The following CEP72 variants were observed in gnomAD, a reference collection of about 807,000 sequenced individuals.
The protein encoded by CEP72 is centrosomal protein of 72 kDa.
A neutral mutation model predicts 65.7 loss-of-function variants in CEP72; 78 were observed. The ratio of observed to expected loss-of-function variants is 1.19; its 90% CI spans 0.99 to 1.43. CEP72 has a LOEUF of 1.43. Among genes scored for constraint, CEP72 ranks in the 40% most tolerant of loss-of-function variants. The pLI is 0.00. For synonymous variants in CEP72, 358 were observed against 351.7 expected, an observed-to-expected ratio of 1.02 and a Z score of -0.20; for missense variants, 914 against 832.9, an observed-to-expected ratio of 1.10 and a Z score of -1.20.
intron 9 of CEP72, chr5:642,838 C>T (rs2126800688): frequency 1.0e-6 from 1 of 985,478 alleles, no homozygotes; most frequent in African/African-American, 1.7e-5. Flanking sequence ...TCTGTCACTC[C>T]AGAAGCACCC....
exon 3 of CEP72, chr5:665,241 C>T: frequency 6.2e-7 from 1 of 1,613,816 alleles, no homozygotes; most frequent in Non-Finnish European, 8.5e-7. Flanking sequence ...CTTGTGGGAG[C>T]CCGTGAACTT....
chr5:638,975 C>A, intron 7 of CEP72, 114 bp from the exon 8 acceptor site: 10 of 1,376,272 alleles, frequency 7.3e-6, no homozygotes, highest in South Asian at 2.5e-5. Context: ...GGCCTCAGGG[C>A]ACCTGTCCTC....
At chr5:634,654 A>G (rs1737467587) in intron 5 of CEP72, among the ~76,000 whole-genome samples, 1 of 151,850 alleles carries the variant, frequency 6.6e-6, no homozygotes, top group South Asian at 2.1e-4. Context: ...CTGTTGAGAT[A>G]CTGGCCGTGC....
At chr5:622,113 A>G in intron 3 of CEP72, among the ~76,000 whole-genome samples, 1 of 152,202 alleles carries the variant, frequency 6.6e-6, no homozygotes, top group South Asian at 2.1e-4. Flanking sequence ...TGCTACTTGG[A>G]GAAGTTTCTG....
At chr5:675,268 GCAGCCCAGGGGGTT>G in the CEP72 span, among the ~76,000 whole-genome samples, 2 of 101,012 alleles carry the variant, frequency 2.0e-5, no homozygotes, top group African/African-American at 8.2e-5. Context: ...GGCCGGGGGT[GCAGCCCAGGGGGTT>G]CAGTGTGGCC....
At chr5:660,040 G>A (rs1450075722), downstream of CEP72, 1 of 152,272 alleles carries the variant, frequency 6.6e-6, no homozygotes, top group Middle Eastern at 3.2e-3. Flanking sequence ...GGAACAGCAG[G>A]GCCACCCCAC....
downstream of CEP72, among the ~76,000 whole-genome samples, chr5:671,822 C>T (rs554149444): frequency 4.5e-4 from 69 of 152,320 alleles, no homozygotes; most frequent in Middle Eastern, 3.4e-3. Flanking sequence ...GAGTGCAAGC[C>T]CGGGACAGGG....
chr5:644,040 G>A, intron 9 of CEP72: 1 of 422,818 alleles, frequency 2.4e-6, no homozygotes, highest in Non-Finnish European at 4.3e-6. Context: ...GGAGACTCAG[G>A]AGTGGGGCTC....
chr5:658,869 T>C (rs1032212155), downstream of CEP72, among the ~76,000 whole-genome samples: 8 of 151,942 alleles, frequency 5.3e-5, no homozygotes, highest in African/African-American at 1.7e-4. Context: ...AGGGTTTCAC[T>C]GTGTTAGCCA....
downstream of CEP72, among the ~76,000 whole-genome samples, chr5:658,134 T>A (rs13436631): frequency 0.023 from 3,544 of 152,336 alleles, 141 homozygotes; most frequent in African/African-American, 0.081. Flanking sequence ...TTGTGTCCCT[T>A]CAAGCGAGAC....
downstream of CEP72, among the ~76,000 whole-genome samples, chr5:654,169 G>A (rs540703635): frequency 2.7e-5 from 4 of 147,140 alleles, no homozygotes; most frequent in South Asian, 2.2e-4. Flanking sequence ...CTCTGTGCGC[G>A]TGCACTTGCT....
downstream of CEP72, among the ~76,000 whole-genome samples, chr5:658,804 G>A (rs1397539456): frequency 6.6e-6 from 1 of 151,640 alleles, no homozygotes; most frequent in Non-Finnish European, 1.5e-5. Flanking sequence ...GAGTAGCTGG[G>A]ACTACAGGCG....
chr5:635,649 A>T, intron 6 of CEP72, 65 bp downstream of exon 6: 1 of 1,299,716 alleles, frequency 7.7e-7, no homozygotes, highest in Non-Finnish European at 1.1e-6. Context: ...TGAGTAATTT[A>T]TAAAGAACAG....
chr5:618,205 G>A (rs1227289912), intron 1 of CEP72, among the ~76,000 whole-genome samples: 4 of 152,182 alleles, frequency 2.6e-5, no homozygotes, highest in Admixed American at 2.6e-4. Flanking sequence ...GTGGGAAGAA[G>A]CGTGTGGGCT....
intron 11 of CEP72, among the ~76,000 whole-genome samples, chr5:648,862 T>G (rs1230808815): frequency 3.8e-4 from 42 of 110,214 alleles, no homozygotes; most frequent in African/African-American, 1.6e-3. Flanking sequence ...GAGGTGTGAC[T>G]GTGAGGTGTG....
the CEP72 span, among the ~76,000 whole-genome samples, chr5:673,706 C>T: frequency 6.6e-6 from 1 of 152,186 alleles, no homozygotes; most frequent in African/African-American, 2.4e-5. Flanking sequence ...AAGGCTGGTC[C>T]CCGGCCCCAC....
At chr5:652,967 C>T (rs369786639) in intron 11 of CEP72, 21 bp from the exon 12 acceptor site, 64 of 1,584,776 alleles carry the variant, frequency 4.0e-5, no homozygotes, top group African/African-American at 5.4e-5. Flanking sequence ...GCCAAGCAGC[C>T]GCTTCCCTGT....
At position 653,370 on chromosome 5, in the gene CEP72, ACAG is replaced by A; in HGVS notation, c.*218_*220del. 2 of 440,798 alleles carry A rather than the reference ACAG, an allele frequency of 4.5e-6. No homozygotes were observed. Among genetic ancestry groups the A allele is most frequent in the Non-Finnish European group, 8.0e-6 (2 of 250,386 alleles). 27.3% of individuals were successfully genotyped at this position (440,798 alleles called of 1,614,324 possible). On this transcript the variant is annotated 3_prime_UTR_variant, in exon 12 of 12. Transcript: ENST00000264935. ...CTCCAAGCCCTCTGCATGTTTTCAGACAGAACACATTGACATATTTTGAGACAA... is the reference window on the plus strand; with the variant it reads ...CTCCAAGCCCTCTGCATGTTTTCAGAAACACATTGACATATTTTGAGACAA...
the CEP72 span, among the ~76,000 whole-genome samples, chr5:675,584 AGGGGTGCAGCATG>A: frequency 1.5e-5 from 1 of 67,796 alleles, no homozygotes; most frequent in East Asian, 4.0e-4. Flanking sequence ...CGGTGTGGCC[AGGGGTGCAGCATG>A]GGGGGTACAG....
Sources: gnomAD v4.1 joint callset for allele counts (sites outside exome capture counted in the v4.1 genomes callset) on GRCh38, gnomAD v4.1.1 for gene constraint, MANE v1.5 for transcripts, NCBI Gene and HGNC (gene_info 2026-07-23, HGNC 2026-07-21) for gene names.